The following MEI4 variants were observed in gnomAD, a reference collection of about 807,000 sequenced individuals.
MEI4 encodes meiotic double-stranded break formation protein 4, also known as meiosis-specific protein MEI4.
A neutral mutation model predicts 31.4 loss-of-function variants in MEI4; 27 were observed. The observed-to-expected ratio is 0.86, with a 90% CI of 0.63 to 1.19. MEI4 has a LOEUF of 1.19. Among genes scored for constraint, MEI4 ranks in the 50% most tolerant of loss-of-function variants. The pLI is 0.00. For synonymous variants in MEI4, 122 were observed against 145.4 expected (o/e 0.84, Z 1.16); for missense variants, 329 against 398.9 (o/e 0.82, Z 1.49).
At chr6:77,692,496 T>C (rs9352510) in intron 2 of MEI4, among the ~76,000 whole-genome samples, 21,988 of 151,982 alleles carry the variant, frequency 0.14, 1,648 homozygotes, top group Middle Eastern at 0.21. Flanking sequence ...AGAGGTGATT[T>C]GAGGCAGGGA....
At chr6:77,917,211 A>T (rs1268889337) in intron 4 of MEI4, among the ~76,000 whole-genome samples, 1 of 151,958 alleles carries the variant, frequency 6.6e-6, no homozygotes, top group African/African-American at 2.4e-5. Flanking sequence ...TGCTATTGTG[A>T]ATAATGCCGC....
At chr6:77,729,042 G>A (rs1766902365) in intron 2 of MEI4, among the ~76,000 whole-genome samples, 1 of 152,206 alleles carries the variant, frequency 6.6e-6, no homozygotes, top group Admixed American at 6.5e-5. Flanking sequence ...TAGAAAGTAA[G>A]TGAAGAGAAG....
At chr6:77,694,664 G>A (rs1286882564) in intron 2 of MEI4, among the ~76,000 whole-genome samples, 1 of 152,108 alleles carries the variant, frequency 6.6e-6, no homozygotes, top group Admixed American at 6.5e-5. Flanking sequence ...GTCTATCGTT[G>A]TTGGACATTT....
At chr6:77,715,154 C>T (rs1203676518) in intron 2 of MEI4, among the ~76,000 whole-genome samples, 1 of 152,042 alleles carries the variant, frequency 6.6e-6, no homozygotes, top group Non-Finnish European at 1.5e-5. Flanking sequence ...GGTTTATTCT[C>T]TTCTGGAAAA....
intron 3 of MEI4, among the ~76,000 whole-genome samples, chr6:77,782,979 T>C (rs1443035371): frequency 6.6e-6 from 1 of 152,110 alleles, no homozygotes; most frequent in Non-Finnish European, 1.5e-5. Flanking sequence ...GGGGTTATTA[T>C]GTTTTTTTGA....
rs553424037 is a variant in MEI4, at chr6:77,866,837, A to C, written c.900+37775A>C. 4.6e-5 allele frequency among the ~76,000 whole-genome samples: 7 copies of C among 152,360 alleles called. No individual in the cohort carries two copies. The South Asian group carries it at 1.2e-3, about 27-fold the overall frequency. ...CTTCAAACTTATACTACAAGGTTAC[A>C]GTAACCAAAACAGCGTGGTGCTGGT... On this transcript the variant is annotated intron_variant, in intron 4 of 4. Coordinates refer to ENST00000684080, the MANE Select transcript of MEI4 (RefSeq NM_001322247.2).
chr6:77,804,158 A>C (rs1769362309), intron 3 of MEI4, among the ~76,000 whole-genome samples: 1 of 152,098 alleles, frequency 6.6e-6, no homozygotes, highest in Non-Finnish European at 1.5e-5. Context: ...TACCTACTCA[A>C]GCCTCAGCAA....
chr6:77,799,973 TG>T (rs1198603982), intron 3 of MEI4, among the ~76,000 whole-genome samples: 3 of 152,166 alleles, frequency 2.0e-5, no homozygotes, highest in Admixed American at 1.3e-4. Flanking sequence ...TACTTGGCAA[TG>T]GGGGCTCTTT....
chr6:77,813,998 T>C (rs1050130061), intron 3 of MEI4, among the ~76,000 whole-genome samples: 10 of 152,136 alleles, frequency 6.6e-5, no homozygotes, highest in African/African-American at 2.4e-4. Context: ...GGGAAGATTT[T>C]TCACAAGACC....
chr6:77,839,866 A>T (rs187389526), intron 4 of MEI4, among the ~76,000 whole-genome samples: 15 of 152,326 alleles, frequency 9.8e-5, no homozygotes, highest in African/African-American at 3.1e-4. Context: ...CTAGGATACA[A>T]TCTAAAACTA....
intron 3 of MEI4, among the ~76,000 whole-genome samples, chr6:77,790,419 T>G (rs1453667479): frequency 1.3e-5 from 2 of 151,806 alleles, no homozygotes; most frequent in Admixed American, 1.3e-4. Context: ...TAACATTGAA[T>G]GATAAAAAAG....
chr6:77,843,180 T>C (rs957605731), intron 4 of MEI4, among the ~76,000 whole-genome samples: 4 of 151,780 alleles, frequency 2.6e-5, no homozygotes, highest in Non-Finnish European at 5.9e-5. Context: ...CTCTAAATTA[T>C]GCTATGCCTT....
In MEI4 at chr6:77,820,756, T is replaced by G. The variant is rs1769804475; in HGVS notation, c.769-8175T>G. Among the ~76,000 whole-genome samples, 1 of 152,066 alleles carries G rather than the reference T, an allele frequency of 6.6e-6. No homozygotes were observed. ...ATCAAAGATGTATGGCTTTTATTGTTGCTATTAATTATGTTGTCAGTCTAA... is the reference window on the plus strand; with the variant it reads ...ATCAAAGATGTATGGCTTTTATTGTGGCTATTAATTATGTTGTCAGTCTAA... On this transcript the variant is annotated intron_variant, in intron 3 of 4. Transcript: ENST00000684080. This position sits in a 1 kb window ranked among gnomAD's most constrained non-coding sequence, Gnocchi z 4.5.
chr6:77,657,961 G>A (rs1452871769), intron 1 of MEI4, among the ~76,000 whole-genome samples: 1 of 152,206 alleles, frequency 6.6e-6, no homozygotes, highest in Non-Finnish European at 1.5e-5. Flanking sequence ...TCAGGTCCAT[G>A]TGGAGACACA....
chr6:77,791,678 TAA>T lies in MEI4; in HGVS notation c.768+30026_768+30027del, dbSNP rs60957084. ...CACATGTACCCTAAAACTTAAAGTATAAAAAAAAAAAAAAGAAATATCTGTAC... is the reference window on the plus strand; with the variant it reads ...CACATGTACCCTAAAACTTAAAGTATAAAAAAAAAAAAGAAATATCTGTAC... On this transcript the variant is annotated intron_variant, in intron 3 of 4. Transcript: ENST00000684080. 2.2e-3 allele frequency among the ~76,000 whole-genome samples: 296 copies of T among 133,690 alleles called. 3 individuals are homozygous for T. The highest frequency in any genetic ancestry group is 4.7e-3 in the African/African-American group (169 of 35,842). 87.7% of individuals were successfully genotyped at this position (133,690 alleles called of 152,430 possible).
intron 2 of MEI4, among the ~76,000 whole-genome samples, chr6:77,710,239 A>T (rs1766427421): frequency 6.6e-6 from 1 of 152,118 alleles, no homozygotes; most frequent in Non-Finnish European, 1.5e-5. Flanking sequence ...AGGAGCTTCC[A>T]TAGGTATGAA....
intron 2 of MEI4, among the ~76,000 whole-genome samples, chr6:77,741,822 A>C (rs186419617): frequency 8.0e-6 from 1 of 124,478 alleles, no homozygotes; most frequent in Admixed American, 1.1e-4. Flanking sequence ...TCCTGTGTCC[A>C]TGTGTTCTCA....
At chr6:77,826,642 T>C (rs751190299) in intron 3 of MEI4, among the ~76,000 whole-genome samples, 1 of 152,198 alleles carries the variant, frequency 6.6e-6, no homozygotes, top group African/African-American at 2.4e-5. Flanking sequence ...AAATACATAC[T>C]ATAGCAACTT....
chr6:77,798,621 T>G (rs1386242774), intron 3 of MEI4, among the ~76,000 whole-genome samples: 2 of 150,046 alleles, frequency 1.3e-5, no homozygotes, highest in Non-Finnish European at 3.0e-5. Flanking sequence ...TAGGTATATC[T>G]CCTAAAGCTA....
Sources: allele counts gnomAD v4.1 joint callset (sites outside exome capture counted in the v4.1 genomes callset), GRCh38; gene constraint gnomAD v4.1.1; non-coding constraint Gnocchi (gnomAD v3.1); transcripts MANE v1.5; gene names NCBI Gene and HGNC (gene_info 2026-07-23, HGNC 2026-07-21).